POU6F2: variants seen among roughly 807,000 people sequenced by gnomAD.
POU6F2 encodes the protein POU class 6 homeobox 2, also known as POU domain, class 6, transcription factor 2.
A neutral mutation model predicts 71.3 loss-of-function variants in POU6F2; 31 were observed. That is an observed-to-expected ratio of 0.43 (90% CI 0.33 to 0.59). POU6F2 has a LOEUF of 0.59. POU6F2 is among the 20% of genes least tolerant of loss of function. POU6F2 has a pLI of 0.04. For missense variants in POU6F2, 783 were observed against 856.8 expected, an observed-to-expected ratio of 0.91 and a Z score of 1.07; for synonymous variants, 347 against 355.7, an observed-to-expected ratio of 0.98 and a Z score of 0.27.
chr7:39,071,016 A>C (rs973468895), intron 1 of POU6F2, among the ~76,000 whole-genome samples: 2 of 152,110 alleles, frequency 1.3e-5, no homozygotes, highest in East Asian at 3.9e-4. Flanking sequence ...TTTTCCATAG[A>C]CTGAGGACAG....
Position 39,356,350 on chromosome 7 carries a change from G to T in POU6F2, c.972+16335G>T, listed in dbSNP as rs115571076. On this transcript the variant is annotated intron_variant, in intron 5 of 9. Coordinates refer to ENST00000518318, the MANE Select transcript of POU6F2 (RefSeq NM_001370959.1). ...CTCGCTTTGCTGGTCCATGCCCCTT[G>T]CCTGGAATGTCCCGTCTTCTCATCA... is the stretch of plus-strand genomic sequence containing the variant. Among the ~76,000 whole-genome samples, 919 of 152,096 alleles carry T rather than the reference G, an allele frequency of 6.0e-3. 13 individuals carry two copies. The highest frequency in any genetic ancestry group is 0.02 in the African/African-American group (849 of 41,486).
chr7:39,441,019 G>A (rs1788390330), intron 7 of POU6F2, among the ~76,000 whole-genome samples: 1 of 152,006 alleles, frequency 6.6e-6, no homozygotes, highest in Non-Finnish European at 1.5e-5. Flanking sequence ...TCCCGTGCCT[G>A]GATATGTCAT....
intron 1 of POU6F2, among the ~76,000 whole-genome samples, chr7:39,079,577 A>G (rs571837772): frequency 2.9e-4 from 44 of 152,174 alleles, no homozygotes; most frequent in Non-Finnish European, 5.9e-4. Flanking sequence ...ATTAGCGCTA[A>G]AACAAGCAAT....
chr7:39,200,028 CAG>C (rs1793864539), intron 2 of POU6F2, among the ~76,000 whole-genome samples: 2 of 152,120 alleles, frequency 1.3e-5, no homozygotes, highest in Admixed American at 6.5e-5. Context: ...AATTACAAAA[CAG>C]ATGTATCTGA....
At chr7:38,988,836 C>A (rs929224089) in intron 1 of POU6F2, among the ~76,000 whole-genome samples, 1 of 152,096 alleles carries the variant, frequency 6.6e-6, no homozygotes, top group Non-Finnish European at 1.5e-5. Context: ...TATGCAAAAT[C>A]ACACAATTGA....
intron 1 of POU6F2, among the ~76,000 whole-genome samples, chr7:39,014,274 T>C (rs1398183834): frequency 6.6e-6 from 1 of 152,112 alleles, no homozygotes; most frequent in Non-Finnish European, 1.5e-5. Flanking sequence ...TAAATGAACA[T>C]TTCCCACAGG....
intron 4 of POU6F2, among the ~76,000 whole-genome samples, chr7:39,264,406 T>A (rs546273164): frequency 6.6e-6 from 1 of 152,314 alleles, no homozygotes; most frequent in South Asian, 2.1e-4. Flanking sequence ...TCAATCCCTG[T>A]TATAATGAAG....
intron 1 of POU6F2, among the ~76,000 whole-genome samples, chr7:39,031,101 A>G (rs1015981518): frequency 3.9e-5 from 6 of 151,956 alleles, no homozygotes; most frequent in Non-Finnish European, 7.4e-5. Flanking sequence ...GGGTTTCACC[A>G]TCTTGGCCAG....
chr7:38,996,527 C>A (rs1241771890), intron 1 of POU6F2, among the ~76,000 whole-genome samples: 1 of 152,130 alleles, frequency 6.6e-6, no homozygotes, highest in African/African-American at 2.4e-5. Context: ...TCTATCTATT[C>A]TTTCATCCAC....
intron 5 of POU6F2, chr7:39,373,805 T>A (rs1423802023): frequency 8.2e-6 from 2 of 244,532 alleles, no homozygotes; most frequent in Non-Finnish European, 1.7e-5. Flanking sequence ...GTGTCCTCTA[T>A]AATGCCCATA....
At chr7:39,404,898 A>T (rs1293150215) in intron 5 of POU6F2, 1 of 152,228 alleles carries the variant, frequency 6.6e-6, no homozygotes, top group Non-Finnish European at 1.5e-5. Flanking sequence ...CTTTAAAGAC[A>T]TACTCCAAAA....
At chr7:39,085,322 C>T (rs147160058) in intron 1 of POU6F2, among the ~76,000 whole-genome samples, 31 of 152,206 alleles carry the variant, frequency 2.0e-4, no homozygotes, top group East Asian at 1.4e-3. Context: ...GAAAGCCTTT[C>T]GAGGTCTCTT....
chr7:39,308,487 A>G (rs998976671), intron 4 of POU6F2, among the ~76,000 whole-genome samples: 13 of 152,168 alleles, frequency 8.5e-5, no homozygotes, highest in African/African-American at 3.1e-4. Context: ...CTGGCCCTAC[A>G]CACTTCCTAA....
At chr7:39,185,845 GTA>G (rs751789195) in intron 2 of POU6F2, among the ~76,000 whole-genome samples, 1 of 66,572 alleles carries the variant, frequency 1.5e-5, no homozygotes. Flanking sequence ...ATATGTATAT[GTA>G]TATGTATGTG....
intron 7 of POU6F2, among the ~76,000 whole-genome samples, chr7:39,436,298 T>C (rs532255309): frequency 1.3e-5 from 2 of 152,286 alleles, no homozygotes; most frequent in South Asian, 2.1e-4. Context: ...TCTTATTTCA[T>C]TGAGCAGTGG....
chr7:39,360,716 G>C lies in POU6F2; in HGVS notation c.972+20701G>C, dbSNP rs529663375. On this transcript the variant is annotated intron_variant, in intron 5 of 9. Coordinates refer to ENST00000518318, the MANE Select transcript of POU6F2 (RefSeq NM_001370959.1). ...AGGCAGAGGAGCCCCGAGGGCTGCT[G>C]GTTGCCCATTTTTATGGTTATTTCT... is the stretch of plus-strand genomic sequence containing the variant. Among the ~76,000 whole-genome samples, 377 of 152,338 alleles carry C rather than the reference G, an allele frequency of 2.5e-3. 4 individuals are homozygous for C. The highest frequency in any genetic ancestry group is 4.3e-3 in the Non-Finnish European group (293 of 68,028).
intron 2 of POU6F2, among the ~76,000 whole-genome samples, chr7:39,105,379 A>G (rs995866950): frequency 7.2e-5 from 11 of 152,036 alleles, no homozygotes; most frequent in African/African-American, 2.4e-4. Context: ...ATAATTTTCT[A>G]TAAATATTTT....
chr7:39,315,208 C>T (rs1313826133), intron 4 of POU6F2, among the ~76,000 whole-genome samples: 2 of 152,128 alleles, frequency 1.3e-5, no homozygotes, highest in African/African-American at 4.8e-5. Context: ...TCTATCAAAC[C>T]TAGGAGAGAA....
At chr7:39,450,341 C>T (rs1788629151) in intron 7 of POU6F2, among the ~76,000 whole-genome samples, 1 of 152,126 alleles carries the variant, frequency 6.6e-6, no homozygotes, top group Non-Finnish European at 1.5e-5. Flanking sequence ...GTGAGAATGA[C>T]AATGGATATG....
Sources: allele counts gnomAD v4.1 joint callset (sites outside exome capture counted in the v4.1 genomes callset), GRCh38; gene constraint gnomAD v4.1.1; transcripts MANE v1.5; gene names NCBI Gene and HGNC (gene_info 2026-07-23, HGNC 2026-07-21).